Variants in SLC4A10 observed in about 807,000 individuals in gnomAD.
SLC4A10 encodes the protein solute carrier family 4 member 10.
Under a neutral mutation model 137.7 loss-of-function variants are expected in SLC4A10, and 42 were observed. That is an observed-to-expected ratio of 0.30 (90% CI 0.24 to 0.39). SLC4A10 has a LOEUF of 0.39. Among genes scored for constraint, SLC4A10 ranks in the 10% least tolerant of loss-of-function variants. The pLI is 1.00. For missense variants in SLC4A10, 925 were observed against 1,355.0 expected (o/e 0.68, Z 4.98); for synonymous variants, 474 against 464.1 (o/e 1.02, Z -0.27).
intron 12 of SLC4A10, among the ~76,000 whole-genome samples, chr2:161,901,838 T>C (rs1054735918): frequency 1.3e-5 from 2 of 152,152 alleles, no homozygotes; most frequent in Admixed American, 6.6e-5. Context: ...TAATTTGAGA[T>C]GGTTCAAACA....
At chr2:161,687,498 T>C (rs1019147827) in intron 1 of SLC4A10, among the ~76,000 whole-genome samples, 2 of 152,222 alleles carry the variant, frequency 1.3e-5, no homozygotes, top group African/African-American at 4.8e-5. Context: ...TCATTTTAAT[T>C]GACATAATTA....
At chr2:161,721,635 AC>A (rs1272679060) in intron 1 of SLC4A10, among the ~76,000 whole-genome samples, 1 of 151,602 alleles carries the variant, frequency 6.6e-6, no homozygotes, top group African/African-American at 2.4e-5. Flanking sequence ...CTTCATTTCT[AC>A]CTTGGAGAAT....
At chr2:161,784,285 T>C (rs2053379828) in intron 2 of SLC4A10, among the ~76,000 whole-genome samples, 1 of 151,678 alleles carries the variant, frequency 6.6e-6, no homozygotes, top group African/African-American at 2.4e-5. Context: ...AACACAATAA[T>C]AGTAGGATAT....
At chr2:161,976,738 AT>A in intron 24 of SLC4A10, 21 bp from the exon 25 acceptor site, 1 of 1,296,420 alleles carries the variant, frequency 7.7e-7, no homozygotes, top group South Asian at 1.6e-5. Flanking sequence ...TTATTATTTC[AT>A]TTGGGGAAAC....
Position 161,688,355 on chromosome 2 carries a change from A to G in SLC4A10, c.48+63789A>G, listed in dbSNP as rs73003404. ...AATTTTATAACCTAGAATGAACAAT[A>G]TTCTCTGTTTTTGGTGTAGAATAAT... is the stretch of plus-strand genomic sequence containing the variant. On this transcript the variant is annotated intron_variant, in intron 1 of 26. Transcript: ENST00000446997. Among the ~76,000 whole-genome samples the G allele has an allele frequency of 6.6e-3, 1,007 of 152,270 alleles. 11 individuals carry two copies. The highest frequency in any genetic ancestry group is 0.023 in the African/African-American group (960 of 41,558).
At chr2:161,981,882 C>T (rs2106027049) in intron 26 of SLC4A10, among the ~76,000 whole-genome samples, 1 of 152,264 alleles carries the variant, frequency 6.6e-6, no homozygotes, top group South Asian at 2.1e-4. Context: ...GAGCTGGCAG[C>T]GTGCCACAGA....
At chr2:161,828,958 T>A (rs985671850) in intron 3 of SLC4A10, among the ~76,000 whole-genome samples, 1 of 151,138 alleles carries the variant, frequency 6.6e-6, no homozygotes, top group Non-Finnish European at 1.5e-5. Context: ...TTAGAATTAT[T>A]CTATTTCTAT....
chr2:161,902,207 AG>A, intron 12 of SLC4A10: 2 of 411,574 alleles, frequency 4.9e-6, no homozygotes, highest in Non-Finnish European at 9.6e-6. Context: ...TACTGCTAAA[AG>A]CACATTTATT....
intron 15 of SLC4A10, among the ~76,000 whole-genome samples, chr2:161,926,869 G>C (rs551704353): frequency 6.6e-6 from 1 of 151,068 alleles, no homozygotes; most frequent in African/African-American, 2.4e-5. Flanking sequence ...TTTTCTTTAA[G>C]AATGTTGAAT....
intron 1 of SLC4A10, among the ~76,000 whole-genome samples, chr2:161,686,611 G>A (rs1184831819): frequency 6.6e-6 from 1 of 151,988 alleles, no homozygotes; most frequent in African/African-American, 2.4e-5. Context: ...TTATATATAG[G>A]AGTTATATTA....
intron 11 of SLC4A10, among the ~76,000 whole-genome samples, chr2:161,897,996 A>T (rs763116227): frequency 3.9e-5 from 6 of 152,154 alleles, no homozygotes; most frequent in Non-Finnish European, 5.9e-5. Context: ...AATATTGTTT[A>T]TGATTTTATG....
intron 1 of SLC4A10, among the ~76,000 whole-genome samples, chr2:161,769,474 G>C (rs1414389746): frequency 6.6e-6 from 1 of 151,874 alleles, no homozygotes; most frequent in Non-Finnish European, 1.5e-5. Flanking sequence ...AGAATCAGCA[G>C]CGCTTTGCAA....
At chr2:161,825,580 C>T (rs1411443927) in intron 3 of SLC4A10, among the ~76,000 whole-genome samples, 1 of 151,784 alleles carries the variant, frequency 6.6e-6, no homozygotes, top group Admixed American at 6.6e-5. Flanking sequence ...ATTCCACACC[C>T]TCTCTCTCTC....
At chr2:161,918,307 C>T (rs966453932) in intron 15 of SLC4A10, among the ~76,000 whole-genome samples, 3 of 152,000 alleles carry the variant, frequency 2.0e-5, no homozygotes, top group Non-Finnish European at 4.4e-5. Flanking sequence ...AGTCATGCAC[C>T]ACCACACCCA....
At chr2:161,888,884 C>T (rs1236454687) in intron 10 of SLC4A10, among the ~76,000 whole-genome samples, 1 of 152,116 alleles carries the variant, frequency 6.6e-6, no homozygotes, top group East Asian at 1.9e-4. Flanking sequence ...GGAATGCTTC[C>T]AGCTTTTGCC....
intron 15 of SLC4A10, among the ~76,000 whole-genome samples, chr2:161,927,343 G>C (rs1340668607): frequency 2.0e-5 from 3 of 151,976 alleles, no homozygotes; most frequent in Non-Finnish European, 2.9e-5. Context: ...TCTTCCAGTT[G>C]ATCACATCAG....
chr2:161,864,754 C>A (rs1397251682), intron 6 of SLC4A10, among the ~76,000 whole-genome samples: 1 of 152,046 alleles, frequency 6.6e-6, no homozygotes, highest in Non-Finnish European at 1.5e-5. Flanking sequence ...TATTTATATT[C>A]TAAATCACAA....
At position 161,819,320 on chromosome 2, in the gene SLC4A10, T is replaced by C. The variant is rs367989331; in HGVS notation, c.277+14725T>C. Among the ~76,000 whole-genome samples, 6 of 152,086 alleles carry C rather than the reference T, an allele frequency of 3.9e-5. No individual in the cohort carries two copies. The East Asian group carries it at 1.2e-3, about 29-fold the overall frequency. ...CTTTTGGTCTGTGTGGTAGTGGTGG[T>C]GGTGATGTTTTGCTCATACAAAAAA... is the stretch of plus-strand genomic sequence containing the variant. On this transcript the variant is annotated intron_variant, in intron 3 of 26. Coordinates refer to ENST00000446997, the MANE Select transcript of SLC4A10 (RefSeq NM_001178015.2).
At chr2:161,964,960 G>T (rs1697330207) in intron 22 of SLC4A10, 91 bp from the exon 23 acceptor site, 1 of 1,190,052 alleles carries the variant, frequency 8.4e-7, no homozygotes, top group African/African-American at 1.5e-5. Flanking sequence ...AGGCCTAATA[G>T]AAATTGTTTC....
Sources: allele counts gnomAD v4.1 joint callset (sites outside exome capture counted in the v4.1 genomes callset), GRCh38; gene constraint gnomAD v4.1.1; transcripts MANE v1.5; gene names NCBI Gene and HGNC (gene_info 2026-07-23, HGNC 2026-07-21).